Variants in GSK3B observed in about 807,000 individuals in gnomAD.
GSK3B encodes glycogen synthase kinase 3 beta.
In GSK3B, 15 loss-of-function variants were observed where a neutral mutation model predicts 56.4. The observed-to-expected ratio is 0.27, with a 90% CI of 0.18 to 0.41. The LOEUF is 0.41. GSK3B is among the 10% of genes least tolerant of loss of function. GSK3B has a pLI of 1.00. For synonymous variants in GSK3B, 181 were observed against 188.9 expected (o/e 0.96, Z 0.34); for missense variants, 300 against 513.4 (o/e 0.58, Z 4.02).
intron 9 of GSK3B, among the ~76,000 whole-genome samples, chr3:119,844,946 T>G (rs908801747): frequency 6.6e-6 from 1 of 152,020 alleles, no homozygotes; most frequent in Admixed American, 6.6e-5. Flanking sequence ...AGCAGCACCT[T>G]AAAAAGCGTA....
chr3:119,905,333 T>C (rs1057512056), intron 7 of GSK3B, among the ~76,000 whole-genome samples: 1 of 152,072 alleles, frequency 6.6e-6, no homozygotes, highest in African/African-American at 2.4e-5. Flanking sequence ...TTATAAATAC[T>C]GAATAAATAT....
intron 1 of GSK3B, chr3:120,029,482 C>T (rs2057957366): frequency 1.2e-5 from 8 of 675,342 alleles, no homozygotes. Flanking sequence ...TTATTATCTG[C>T]AGGTGTTATT....
chr3:120,037,675 C>A (rs1038268562), intron 1 of GSK3B, among the ~76,000 whole-genome samples: 1 of 151,490 alleles, frequency 6.6e-6, no homozygotes, highest in East Asian at 1.9e-4. Context: ...CCATCTTACA[C>A]ATCAAACCTT....
At chr3:120,052,828 A>G (rs1014380897) in intron 1 of GSK3B, among the ~76,000 whole-genome samples, 2 of 152,240 alleles carry the variant, frequency 1.3e-5, no homozygotes, top group African/African-American at 4.8e-5. Context: ...GTAAGTACCT[A>G]GTTTGTACCA....
chr3:119,875,995 G>T (rs916985815), intron 8 of GSK3B, among the ~76,000 whole-genome samples: 12 of 152,014 alleles, frequency 7.9e-5, no homozygotes, highest in African/African-American at 2.9e-4. Context: ...AACACAAAAT[G>T]CCATCTATAA....
intron 1 of GSK3B, among the ~76,000 whole-genome samples, chr3:120,071,078 G>A (rs2058322758): frequency 6.6e-6 from 1 of 152,174 alleles, no homozygotes; most frequent in Admixed American, 6.5e-5. Flanking sequence ...CCAAAGAATG[G>A]CAGTCCTTTG....
At chr3:120,063,678 A>C (rs2058256118) in intron 1 of GSK3B, among the ~76,000 whole-genome samples, 1 of 148,076 alleles carries the variant, frequency 6.8e-6, no homozygotes, top group Non-Finnish European at 1.5e-5. Context: ...CAGTGAGCCG[A>C]GATCGTGCCA....
chr3:119,923,521 G>A, intron 3 of GSK3B, 38 bp from the exon 4 acceptor site: 1 of 932,806 alleles, frequency 1.1e-6, no homozygotes, highest in South Asian at 1.6e-5. Flanking sequence ...AAACAAAACA[G>A]ATTAGAAACT....
intron 2 of GSK3B, among the ~76,000 whole-genome samples, chr3:119,999,610 T>C (rs1473099481): frequency 2.6e-5 from 4 of 152,154 alleles, no homozygotes; most frequent in Non-Finnish European, 5.9e-5. Flanking sequence ...GACCCTGTCA[T>C]AAAAAATATG....
At chr3:119,982,116 G>A (rs2057468941) in intron 2 of GSK3B, among the ~76,000 whole-genome samples, 1 of 152,192 alleles carries the variant, frequency 6.6e-6, no homozygotes, top group South Asian at 2.1e-4. Flanking sequence ...CAGACCTGCA[G>A]CTGAGGGATC....
Position 119,824,381 on chromosome 3 carries a change from G to A in GSK3B, c.*2407C>T. On this transcript the variant is annotated 3_prime_UTR_variant, in exon 11 of 11. Coordinates refer to ENST00000264235, the MANE Select transcript of GSK3B (RefSeq NM_001146156.2). ...CACATGCACACACAATGAAATGAGA[G>A]AAAAGCGTGACTTTTCTCTCTTCTT... 9.0e-6 allele frequency: 2 copies of A among 221,896 alleles called. No homozygotes were observed. Among genetic ancestry groups the A allele is most frequent in the Non-Finnish European group, 1.8e-5 (2 of 110,902 alleles). 13.7% of individuals were successfully genotyped at this position (221,896 alleles called of 1,614,324 possible).
chr3:120,024,603 C>A (rs1267493765), intron 1 of GSK3B, among the ~76,000 whole-genome samples: 1 of 152,152 alleles, frequency 6.6e-6, no homozygotes, highest in Non-Finnish European at 1.5e-5. Flanking sequence ...TTTATCAAAA[C>A]AACAACAAAC....
chr3:119,905,916 T>G, intron 6 of GSK3B, 64 bp from the exon 7 acceptor site: 2 of 902,118 alleles, frequency 2.2e-6, no homozygotes, highest in Non-Finnish European at 3.7e-6. Flanking sequence ...AGTGTTTGTA[T>G]ACGTTTTCTA....
chr3:119,824,000 T>C lies in GSK3B; in HGVS notation c.*2788A>G, dbSNP rs191540673. 1.5e-5 allele frequency: 3 copies of C among 200,376 alleles called. No individual in the cohort carries two copies. In the East Asian group the frequency reaches 2.3e-4, roughly 15 times the overall value. The allele number at this position is 200,376 out of a possible 1,614,324, so 12.4% of individuals were successfully genotyped here. On this transcript the variant is annotated 3_prime_UTR_variant, in exon 11 of 11. Transcript: ENST00000264235. ...ATTGCTAGAGTTATTGTTACAATAA[T>C]ACAGGCCGGTACCTACTGTACAGAG...
chr3:120,066,738 G>A (rs2058283588), intron 1 of GSK3B, among the ~76,000 whole-genome samples: 1 of 152,180 alleles, frequency 6.6e-6, no homozygotes, highest in Non-Finnish European at 1.5e-5. Flanking sequence ...TTTAGGCTTT[G>A]CAGGACACAC....
intron 2 of GSK3B, among the ~76,000 whole-genome samples, chr3:119,969,248 C>A (rs556610351): frequency 1.3e-5 from 2 of 151,012 alleles, no homozygotes; most frequent in South Asian, 2.1e-4. Context: ...GCCGAGATTG[C>A]GCCAACGTAC....
In GSK3B at chr3:119,918,395, G is replaced by A. The variant is rs532210206; in HGVS notation, c.478-2221C>T. Among the ~76,000 whole-genome samples the A allele has an allele frequency of 2.4e-4, 37 of 151,226 alleles. No homozygotes were observed. The South Asian group carries it at 6.7e-3, about 27-fold the overall frequency. On this transcript the variant is annotated intron_variant, in intron 4 of 10. Transcript: ENST00000264235. ...TGGGGCAGGAGAATTGCTTGGACCCGGGAGATAGAGGTTGCAGTGAACCCA... is the reference window on the plus strand; with the variant it reads ...TGGGGCAGGAGAATTGCTTGGACCCAGGAGATAGAGGTTGCAGTGAACCCA...
At chr3:119,923,923 C>T (rs1443591490) in intron 3 of GSK3B, among the ~76,000 whole-genome samples, 1 of 152,166 alleles carries the variant, frequency 6.6e-6, no homozygotes. Flanking sequence ...GTGTGCAAGT[C>T]ACTTGCATCT....
At chr3:119,968,144 AC>A (rs1168947599) in intron 2 of GSK3B, among the ~76,000 whole-genome samples, 1 of 152,054 alleles carries the variant, frequency 6.6e-6, no homozygotes, top group Non-Finnish European at 1.5e-5. Context: ...GTGAGCCACC[AC>A]GTCCAGCCCA....
Sources: allele counts gnomAD v4.1 joint callset (sites outside exome capture counted in the v4.1 genomes callset), GRCh38; gene constraint gnomAD v4.1.1; transcripts MANE v1.5; gene names NCBI Gene and HGNC (gene_info 2026-07-23, HGNC 2026-07-21).